The following WASF3 variants were observed in gnomAD, a reference collection of about 807,000 sequenced individuals.
WASF3 encodes the protein WASP family member 3, also known as actin-binding protein WASF3.
In WASF3, 11 loss-of-function variants were observed where a neutral mutation model predicts 46.6. That is an observed-to-expected ratio of 0.24 (90% CI 0.15 to 0.39). The LOEUF is 0.39. Among genes scored for constraint, WASF3 ranks in the 10% least tolerant of loss-of-function variants. The pLI, the probability that WASF3 is intolerant of heterozygous loss-of-function variation, is 1.00. For synonymous variants in WASF3, 242 were observed against 259.7 expected (o/e 0.93, Z 0.65); for missense variants, 576 against 669.8 (o/e 0.86, Z 1.55).
At chr13:26,554,088 C>CTTTCTTTCTTTCT (rs1289008259), upstream of WASF3, among the ~76,000 whole-genome samples, 33 of 27,616 alleles carry the variant, frequency 1.2e-3, no homozygotes, top group South Asian at 3.4e-3. Context: ...TCCTTCCTTC[C>CTTTCTTTCTTTCT]TTCCTTCCTT....
At chr13:26,630,387 C>G (rs1881614019) in intron 2 of WASF3, among the ~76,000 whole-genome samples, 1 of 152,138 alleles carries the variant, frequency 6.6e-6, no homozygotes, top group South Asian at 2.1e-4. Flanking sequence ...TCAATTCCCA[C>G]CTATGAGTGA....
At chr13:26,655,287 G>A (rs572037047) in intron 3 of WASF3, among the ~76,000 whole-genome samples, 15 of 152,168 alleles carry the variant, frequency 9.9e-5, no homozygotes, top group African/African-American at 2.9e-4. Context: ...TTTATGTTAT[G>A]GAATGTCCGT....
intron 1 of WASF3, among the ~76,000 whole-genome samples, chr13:26,579,410 T>C (rs537707586): frequency 1.3e-5 from 2 of 152,194 alleles, no homozygotes; most frequent in Non-Finnish European, 2.9e-5. Flanking sequence ...CATTCAAATA[T>C]TTTAATAGTC....
intron 1 of WASF3, among the ~76,000 whole-genome samples, chr13:26,597,294 C>G (rs1026926122): frequency 6.6e-6 from 1 of 152,274 alleles, no homozygotes; most frequent in Admixed American, 6.5e-5. Context: ...CCACCACACC[C>G]GGCTAATGTT....
chr13:26,591,566 G>A (rs1880295908), intron 1 of WASF3, among the ~76,000 whole-genome samples: 1 of 152,122 alleles, frequency 6.6e-6, no homozygotes, highest in Non-Finnish European at 1.5e-5. Flanking sequence ...CTGAGAGGGG[G>A]AGACTACGAG....
chr13:26,613,518 C>A (rs956430244), intron 2 of WASF3, among the ~76,000 whole-genome samples: 2 of 152,068 alleles, frequency 1.3e-5, no homozygotes, highest in African/African-American at 4.8e-5. Context: ...GCCTGTAATC[C>A]CAGCATTTTG....
chr13:26,618,601 G>A (rs1166329441), intron 2 of WASF3, among the ~76,000 whole-genome samples: 1 of 151,592 alleles, frequency 6.6e-6, no homozygotes, highest in African/African-American at 2.4e-5. Context: ...TGTTTTGGAG[G>A]ACACTCCATA....
chr13:26,559,816 T>TTCTTTATTTCTTTC (rs1879233379), intron 1 of WASF3, among the ~76,000 whole-genome samples: 1 of 55,076 alleles, frequency 1.8e-5, no homozygotes, highest in African/African-American at 6.0e-5. Context: ...TTCTTTTTTT[T>TTCTTTATTTCTTTC]TTTTTTTTTT....
At chr13:26,661,255 G>T (rs1882621500) in intron 3 of WASF3, among the ~76,000 whole-genome samples, 1 of 152,180 alleles carries the variant, frequency 6.6e-6, no homozygotes, top group Admixed American at 6.5e-5. Flanking sequence ...GCAAAACTCT[G>T]CGCTCGTTAC....
intron 3 of WASF3, among the ~76,000 whole-genome samples, chr13:26,655,734 CAG>C (rs2137442251): frequency 6.6e-6 from 1 of 152,248 alleles, no homozygotes; most frequent in East Asian, 1.9e-4. Context: ...TCATTTATAT[CAG>C]TATGGACTGA....
rs769053806 is a variant in WASF3, at chr13:26,679,666, G to A, written c.717-1388G>A. On this transcript the variant is annotated intron_variant, in intron 7 of 9. Coordinates refer to ENST00000335327, the MANE Select transcript of WASF3 (RefSeq NM_006646.6). The surrounding 1 kb of genome is among the most constrained non-coding windows in gnomAD (Gnocchi z 4.8). ...AGCACACATCATCAGTGTCTCCAAG[G>A]GTTATAGGAATTTACATTTTTAAAA... is the stretch of plus-strand genomic sequence containing the variant. Among the ~76,000 whole-genome samples, 3 of 152,110 alleles carry A rather than the reference G, an allele frequency of 2.0e-5. No individual in the cohort carries two copies. Among genetic ancestry groups the A allele is most frequent in the Non-Finnish European group, 4.4e-5 (3 of 68,028 alleles).
At chr13:26,612,599 A>T (rs1881011701) in intron 1 of WASF3, among the ~76,000 whole-genome samples, 1 of 152,254 alleles carries the variant, frequency 6.6e-6, no homozygotes, top group African/African-American at 2.4e-5. Flanking sequence ...GTGAATGATT[A>T]CTATTATTTG....
chr13:26,561,229 C>T (rs116480819), intron 1 of WASF3, among the ~76,000 whole-genome samples: 1 of 152,012 alleles, frequency 6.6e-6, no homozygotes, highest in Non-Finnish European at 1.5e-5. Context: ...AAGAGGGACA[C>T]GGTCAAATTT....
chr13:26,629,440 G>A (rs1881583945), intron 2 of WASF3, among the ~76,000 whole-genome samples: 1 of 152,192 alleles, frequency 6.6e-6, no homozygotes, highest in Non-Finnish European at 1.5e-5. Flanking sequence ...ATGAACTGGT[G>A]TCCTGCCCAC....
At chr13:26,647,980 T>C (rs954447430) in intron 3 of WASF3, among the ~76,000 whole-genome samples, 1 of 152,172 alleles carries the variant, frequency 6.6e-6, no homozygotes, top group African/African-American at 2.4e-5. Context: ...ATAAGACACA[T>C]TTTTGAATAG....
chr13:26,676,565 A>G lies in WASF3; in HGVS notation c.557A>G (p.Asp186Gly). 1 of 1,614,088 alleles carries G rather than the reference A, an allele frequency of 6.2e-7. No homozygotes were observed. Among genetic ancestry groups the G allele is most frequent in the Non-Finnish European group, 8.5e-7 (1 of 1,179,986 alleles). Residue 186 changes from aspartate to glycine, a missense_variant, in exon 7 of 10, where the codon GAT (aspartate) becomes GGT (glycine). Asp to Gly is a moderately conservative substitution (Grantham distance 94). Coordinates refer to ENST00000335327, the MANE Select transcript of WASF3 (RefSeq NM_006646.6). ...GGACATCAGGAGCAAAAGCGTATAGATGGCACCACCCGTGAGGTGAAAAAG... is the reference window on the plus strand; with the variant it reads ...GGACATCAGGAGCAAAAGCGTATAGGTGGCACCACCCGTGAGGTGAAAAAG... The part of the protein sequence containing the change: ...KRRQKEQKRI[D>G]GTTREVKKVR...
chr13:26,632,852 C>A (rs1475987220), intron 2 of WASF3, among the ~76,000 whole-genome samples: 1 of 152,090 alleles, frequency 6.6e-6, no homozygotes, highest in African/African-American at 2.4e-5. Context: ...ATTTCAGAGC[C>A]TGTTATTGGT....
intron 1 of WASF3, among the ~76,000 whole-genome samples, chr13:26,582,788 AT>A (rs1295189938): frequency 6.6e-6 from 1 of 152,078 alleles, no homozygotes; most frequent in Non-Finnish European, 1.5e-5. Context: ...AGAATAGAAA[AT>A]TTCCCAGTAA....
At chr13:26,624,262 G>A (rs1382534355) in intron 2 of WASF3, among the ~76,000 whole-genome samples, 1 of 152,156 alleles carries the variant, frequency 6.6e-6, no homozygotes, top group East Asian at 1.9e-4. Context: ...AAGGAAACAA[G>A]TTTTTAAGAG....
Sources: gnomAD v4.1 joint callset for allele counts (sites outside exome capture counted in the v4.1 genomes callset) on GRCh38, gnomAD v4.1.1 for gene constraint, Gnocchi (gnomAD v3.1) non-coding constraint, MANE v1.5 for transcripts, NCBI Gene and HGNC (gene_info 2026-07-23, HGNC 2026-07-21) for gene names.